Variants in ANO2 observed in about 807,000 individuals in gnomAD.
ANO2 encodes anoctamin-2.
Under a neutral mutation model 124.2 loss-of-function variants are expected in ANO2, and 101 were observed. The observed-to-expected ratio is 0.81, with a 90% CI of 0.69 to 0.96. The LOEUF is 0.96. Ranked by LOEUF, ANO2 falls within the 40% of genes least tolerant of loss-of-function variation. The pLI is 0.00. For missense variants in ANO2, 1,293 were observed against 1,274.5 expected, an observed-to-expected ratio of 1.01 and a Z score of -0.22; for synonymous variants, 486 against 482.5, an observed-to-expected ratio of 1.01 and a Z score of -0.09.
At chr12:5,875,322 C>T (rs1938019640) in intron 3 of ANO2, among the ~76,000 whole-genome samples, 1 of 152,232 alleles carries the variant, frequency 6.6e-6, no homozygotes, top group Non-Finnish European at 1.5e-5. Context: ...TCCACCCACA[C>T]AAGTTTGGAT....
intron 3 of ANO2, among the ~76,000 whole-genome samples, chr12:5,869,043 G>C (rs549182081): frequency 6.6e-6 from 1 of 152,156 alleles, no homozygotes; most frequent in Non-Finnish European, 1.5e-5. Context: ...AGGTGATGAG[G>C]GCTTGGAGCA....
At chr12:5,694,251 C>CAGAGAGAGAGAGAGAGAGAGAGAGAG (rs5796182) in intron 14 of ANO2, among the ~76,000 whole-genome samples, 190 of 133,946 alleles carry the variant, frequency 1.4e-3, no homozygotes, top group African/African-American at 2.5e-3. Context: ...TTACCAGAGA[C>CAGAGAGAGAGAGAGAGAGAGAGAGAG]AGAGAGAGAG....
intron 13 of ANO2, 195 bp downstream of exon 13, chr12:5,739,122 G>A (rs1226467207): frequency 1.4e-6 from 1 of 691,474 alleles, no homozygotes; most frequent in South Asian, 1.5e-5. Flanking sequence ...GGAAGAGGGG[G>A]TACTTGAACT....
intron 1 of ANO2, among the ~76,000 whole-genome samples, chr12:5,936,405 G>A (rs963437151): frequency 5.9e-5 from 9 of 152,076 alleles, no homozygotes; most frequent in Admixed American, 2.6e-4. Context: ...AAGTCATAAG[G>A]GCTCTGCCTT....
intron 16 of ANO2, among the ~76,000 whole-genome samples, chr12:5,621,008 C>G (rs370535464): frequency 6.6e-6 from 1 of 152,156 alleles, no homozygotes; most frequent in African/African-American, 2.4e-5. Context: ...ACATCCCCAT[C>G]TTTGGCCTGA....
intron 3 of ANO2, among the ~76,000 whole-genome samples, chr12:5,909,283 G>A (rs1270689647): frequency 6.6e-6 from 1 of 152,166 alleles, no homozygotes; most frequent in Non-Finnish European, 1.5e-5. Context: ...GGCAGGCAAG[G>A]GGTAACAGCT....
chr12:5,843,795 A>G (rs1954599732), intron 4 of ANO2, among the ~76,000 whole-genome samples: 1 of 152,178 alleles, frequency 6.6e-6, no homozygotes, highest in African/African-American at 2.4e-5. Flanking sequence ...CCCAAACAAG[A>G]TGCTGGGCAG....
At chr12:5,752,558 T>C (rs1378914069) in intron 10 of ANO2, among the ~76,000 whole-genome samples, 2 of 152,190 alleles carry the variant, frequency 1.3e-5, no homozygotes, top group Non-Finnish European at 2.9e-5. Flanking sequence ...ATCAGGCTAT[T>C]TGGTTTTTTG....
At chr12:5,654,829 T>C (rs1947077435) in intron 14 of ANO2, among the ~76,000 whole-genome samples, 1 of 152,256 alleles carries the variant, frequency 6.6e-6, no homozygotes, top group Non-Finnish European at 1.5e-5. Flanking sequence ...ATCACACACA[T>C]GCTTCTGTGC....
intron 14 of ANO2, among the ~76,000 whole-genome samples, chr12:5,710,607 C>T (rs1057425533): frequency 6.6e-6 from 1 of 152,054 alleles, no homozygotes; most frequent in Non-Finnish European, 1.5e-5. Flanking sequence ...CTTCATGTTC[C>T]AAAGTACTAT....
intron 14 of ANO2, among the ~76,000 whole-genome samples, chr12:5,666,304 A>G (rs962639440): frequency 6.6e-6 from 1 of 152,210 alleles, no homozygotes; most frequent in Non-Finnish European, 1.5e-5. Context: ...TTTGTTCATC[A>G]TGCAGTAGAG....
At chr12:5,768,728 C>T (rs751959094) in intron 10 of ANO2, among the ~76,000 whole-genome samples, 3 of 152,242 alleles carry the variant, frequency 2.0e-5, no homozygotes, top group East Asian at 3.9e-4. Context: ...GGCTGTGGAA[C>T]GACAGCAGCT....
intron 13 of ANO2, 134 bp from the exon 14 acceptor site, chr12:5,732,764 A>AC: frequency 6.4e-7 from 1 of 1,564,602 alleles, no homozygotes; most frequent in Non-Finnish European, 8.8e-7. Flanking sequence ...GCCCCACCAC[A>AC]CACAATCACA....
intron 10 of ANO2, among the ~76,000 whole-genome samples, chr12:5,773,727 C>A (rs554680378): frequency 6.6e-6 from 1 of 152,092 alleles, no homozygotes; most frequent in African/African-American, 2.4e-5. Flanking sequence ...GCTGAGCCAC[C>A]GCCCCCTACA....
intron 3 of ANO2, among the ~76,000 whole-genome samples, chr12:5,867,880 T>A (rs7488107): frequency 0.91 from 138,558 of 151,724 alleles, 63,350 homozygotes; most frequent in Admixed American, 0.93. Context: ...AAAATAATCC[T>A]TTAAGAGTAA....
At chr12:5,716,225 G>A (rs1217678049) in intron 14 of ANO2, among the ~76,000 whole-genome samples, 2 of 152,132 alleles carry the variant, frequency 1.3e-5, no homozygotes, top group African/African-American at 2.4e-5. Context: ...CATGGTCTAG[G>A]GGGCAGGTGA....
chr12:5,744,451 AG>A, intron 11 of ANO2, 134 bp from the exon 12 acceptor site: 2 of 963,764 alleles, frequency 2.1e-6, no homozygotes, highest in Non-Finnish European at 3.1e-6. Context: ...GGAATGTTAA[AG>A]AAGTTAGCAT....
intron 7 of ANO2, among the ~76,000 whole-genome samples, chr12:5,815,687 G>GGT (rs1394321947): frequency 1.3e-5 from 2 of 151,810 alleles, no homozygotes; most frequent in African/African-American, 4.8e-5. Flanking sequence ...AAGACATTAT[G>GGT]GTTTGCATAT....
intron 3 of ANO2, among the ~76,000 whole-genome samples, chr12:5,866,209 C>T (rs541842115): frequency 6.6e-6 from 1 of 152,292 alleles, no homozygotes; most frequent in East Asian, 1.9e-4. Flanking sequence ...TTTCTCCTTC[C>T]GTCAGACTCT....
Sources: gnomAD v4.1 joint callset for allele counts (sites outside exome capture counted in the v4.1 genomes callset) on GRCh38, gnomAD v4.1.1 for gene constraint, MANE v1.5 for transcripts, NCBI Gene and HGNC (gene_info 2026-07-23, HGNC 2026-07-21) for gene names.